The following NEO1 variants were observed in gnomAD, a reference collection of about 807,000 sequenced individuals.
NEO1 encodes the protein neogenin.
In NEO1, 63 loss-of-function variants were observed where a neutral mutation model predicts 159.7. The ratio of observed to expected loss-of-function variants is 0.39; its 90% CI spans 0.32 to 0.49. NEO1 has a LOEUF of 0.49. Ranked by LOEUF, NEO1 falls within the 20% of genes least tolerant of loss-of-function variation. NEO1 has a pLI of 0.85. For missense variants in NEO1, 1,615 were observed against 1,831.0 expected, an observed-to-expected ratio of 0.88 and a Z score of 2.15; for synonymous variants, 633 against 662.0, an observed-to-expected ratio of 0.96 and a Z score of 0.67.
At chr15:73,158,712 A>G (rs1466970705) in intron 5 of NEO1, among the ~76,000 whole-genome samples, 2 of 152,168 alleles carry the variant, frequency 1.3e-5, no homozygotes, top group African/African-American at 4.8e-5. Context: ...TTAATTAAAT[A>G]TTTTTAATAG....
Position 73,099,741 on chromosome 15 carries a change from G to A in NEO1, c.131-16799G>A, listed in dbSNP as rs568412427. 2.6e-5 allele frequency among the ~76,000 whole-genome samples: 4 copies of A among 152,186 alleles called. No homozygotes were observed. The East Asian group carries it at 7.7e-4, about 29-fold the overall frequency. Reference sequence around the variant, plus strand: ...TTGGTAACAATTTGTAGACATATGGGTACTTGAATAAAATCTGTAATACTT... The same window carrying A: ...TTGGTAACAATTTGTAGACATATGGATACTTGAATAAAATCTGTAATACTT... On this transcript the variant is annotated intron_variant, in intron 1 of 28. Coordinates refer to ENST00000261908, the MANE Select transcript of NEO1 (RefSeq NM_002499.4).
intron 3 of NEO1, among the ~76,000 whole-genome samples, chr15:73,124,915 A>G (rs2029969983): frequency 6.6e-6 from 1 of 152,222 alleles, no homozygotes; most frequent in Non-Finnish European, 1.5e-5. Context: ...ATCAAAATTC[A>G]ATTAAATATA....
intron 7 of NEO1, among the ~76,000 whole-genome samples, chr15:73,182,009 A>G (rs1252048967): frequency 1.5e-4 from 23 of 151,998 alleles, no homozygotes; most frequent in Non-Finnish European, 1.3e-4. Flanking sequence ...GCCCTTCCAC[A>G]TGGCTGGGGA....
chr15:73,163,608 G>A (rs1285054557), intron 5 of NEO1, among the ~76,000 whole-genome samples: 8 of 152,172 alleles, frequency 5.3e-5, no homozygotes, highest in Admixed American at 1.3e-4. Flanking sequence ...GCCCCAAAGC[G>A]ATGTTTATCA....
chr15:73,218,767 G>T (rs1223895556), intron 7 of NEO1, among the ~76,000 whole-genome samples: 1 of 152,128 alleles, frequency 6.6e-6, no homozygotes, highest in African/African-American at 2.4e-5. Context: ...GGGATCGGTG[G>T]TGATATCCCC....
chr15:73,172,294 C>T (rs1022997780), intron 5 of NEO1, among the ~76,000 whole-genome samples: 6 of 152,086 alleles, frequency 3.9e-5, no homozygotes, highest in Admixed American at 2.6e-4. Context: ...AGTTACTTAG[C>T]GTCTCTGTGT....
Position 73,244,338 on chromosome 15 carries a change from C to T in NEO1, c.1452-6C>T. 3 of 1,612,042 alleles carry T rather than the reference C, an allele frequency of 1.9e-6. No individual in the cohort carries two copies. Among genetic ancestry groups the T allele is most frequent in the Non-Finnish European group, 2.5e-6 (3 of 1,178,936 alleles). On this transcript the variant is annotated splice_polypyrimidine_tract_variant and splice_region_variant and intron_variant, in intron 8 of 28. Transcript: ENST00000261908. ...TGCTATCTCTCTCCAAATCCTTTGT[C>T]TAAAGGGAACGTGTTGAGAATACCA...
rs111966027 is a variant in NEO1 at position 73,088,450 on chromosome 15, A to T, written c.131-28090A>T. Among the ~76,000 whole-genome samples the T allele has an allele frequency of 5.1e-4, 77 of 152,198 alleles. 3 individuals are homozygous for T. Among genetic ancestry groups the T allele is most frequent in the African/African-American group, 1.8e-3 (73 of 41,550 alleles). ...TTTAGGTTGAGACCTGAAATAGCTG[A>T]TATTTGACCAGTTTTTACCTAAAAA... is the stretch of plus-strand genomic sequence containing the variant. On this transcript the variant is annotated intron_variant, in intron 1 of 28. Transcript: ENST00000261908.
chr15:73,196,332 A>G (rs1455472896), intron 7 of NEO1, among the ~76,000 whole-genome samples: 3 of 152,200 alleles, frequency 2.0e-5, no homozygotes, highest in South Asian at 4.1e-4. Context: ...CCAATTGTTT[A>G]TATAAGTCAT....
intron 6 of NEO1, among the ~76,000 whole-genome samples, chr15:73,177,927 T>G (rs562204055): frequency 6.6e-6 from 1 of 152,344 alleles, no homozygotes; most frequent in South Asian, 2.1e-4. Flanking sequence ...GTCTAATCTG[T>G]TAGAACTATT....
At chr15:73,233,018 C>T (rs2038991886) in intron 7 of NEO1, among the ~76,000 whole-genome samples, 1 of 152,034 alleles carries the variant, frequency 6.6e-6, no homozygotes, top group Non-Finnish European at 1.5e-5. Context: ...AGTTTTTTTC[C>T]GCTTTATAGT....
At chr15:73,092,658 A>T (rs1225012229) in intron 1 of NEO1, among the ~76,000 whole-genome samples, 3 of 152,188 alleles carry the variant, frequency 2.0e-5, no homozygotes, top group Non-Finnish European at 4.4e-5. Context: ...TTGAAATTGA[A>T]ATGATAAAAT....
chr15:73,201,954 CTTTTTTTT>C (rs1206304409), intron 7 of NEO1, among the ~76,000 whole-genome samples: 4 of 83,456 alleles, frequency 4.8e-5, no homozygotes, highest in African/African-American at 9.7e-5. Flanking sequence ...CTATATCATT[CTTTTTTTT>C]TTTTTTTTTT....
intron 7 of NEO1, among the ~76,000 whole-genome samples, chr15:73,186,596 C>A (rs1181493006): frequency 6.7e-6 from 1 of 149,432 alleles, no homozygotes; most frequent in Non-Finnish European, 1.5e-5. Context: ...CTTTTTTTTT[C>A]ACTCTAAATA....
chr15:73,136,323 G>C (rs2031756820), intron 5 of NEO1, among the ~76,000 whole-genome samples: 1 of 152,042 alleles, frequency 6.6e-6, no homozygotes, highest in Non-Finnish European at 1.5e-5. Flanking sequence ...TAAAACCCCT[G>C]GAATAGTGAC....
At chr15:73,216,835 T>G (rs893744560) in intron 7 of NEO1, among the ~76,000 whole-genome samples, 2 of 152,266 alleles carry the variant, frequency 1.3e-5, no homozygotes, top group Non-Finnish European at 2.9e-5. Context: ...ATTAGCCCTT[T>G]GTCAGATGAG....
rs529131649 is a variant in NEO1 at position 73,138,146 on chromosome 15, CGT to C, written c.1015+2120_1015+2121del. Among the ~76,000 whole-genome samples the C allele has an allele frequency of 2.7e-3, 407 of 152,040 alleles. 2 individuals carry two copies. The highest frequency in any genetic ancestry group is 9.4e-3 in the African/African-American group (391 of 41,466). ...TAATGTATAATTATATATACAGTAA[CGT>C]ATAATATCAAAGACAAAAAAATTCT... On this transcript the variant is annotated intron_variant, in intron 5 of 28. Coordinates refer to ENST00000261908, the MANE Select transcript of NEO1 (RefSeq NM_002499.4).
Position 73,266,229 on chromosome 15 carries a change from T to A in NEO1, c.2399-87T>A, listed in dbSNP as rs2040885818. 3.1e-6 allele frequency: 3 copies of A among 972,098 alleles called. 1 individual carries two copies. The highest frequency in any genetic ancestry group is 4.6e-6 in the Non-Finnish European group (3 of 658,000). 60.2% of individuals were successfully genotyped at this position (972,098 alleles called of 1,614,324 possible). A position where few individuals can be genotyped will look rare whatever the true frequency, so the allele number is the denominator to read the frequency against. On this transcript the variant is annotated intron_variant, in intron 15 of 28. Transcript: ENST00000261908. Reference sequence around the variant, plus strand: ...TTTAAAGTTGTCTTTCTTGAATTCTTCTGTGGTTAAGATTATGCACAGCCA... The same window carrying A: ...TTTAAAGTTGTCTTTCTTGAATTCTACTGTGGTTAAGATTATGCACAGCCA...
In NEO1 at chr15:73,123,968, C is replaced by T. The variant is rs545387017; in HGVS notation, c.724+1168C>T. Among the ~76,000 whole-genome samples, 9 of 152,270 alleles carry T rather than the reference C, an allele frequency of 5.9e-5. No individual in the cohort carries two copies. The South Asian group carries it at 1.7e-3, about 28-fold the overall frequency. Reference sequence around the variant, plus strand: ...AGGTTCTTTTTTTGTCGTTATCCCTCGTCATTCCTGTCTCAGTATATTCTC... The same window carrying T: ...AGGTTCTTTTTTTGTCGTTATCCCTTGTCATTCCTGTCTCAGTATATTCTC... On this transcript the variant is annotated intron_variant, in intron 3 of 28. Coordinates refer to ENST00000261908, the MANE Select transcript of NEO1 (RefSeq NM_002499.4).
Sources: allele counts gnomAD v4.1 joint callset (sites outside exome capture counted in the v4.1 genomes callset), GRCh38; gene constraint gnomAD v4.1.1; transcripts MANE v1.5; gene names NCBI Gene and HGNC (gene_info 2026-07-23, HGNC 2026-07-21).